NAV2: variants seen among roughly 807,000 people sequenced by gnomAD.
NAV2 encodes neuron navigator 2.
A neutral mutation model predicts 223.2 loss-of-function variants in NAV2; 54 were observed. The ratio of observed to expected loss-of-function variants is 0.24; its 90% CI spans 0.19 to 0.30. The LOEUF (loss-of-function observed/expected upper bound fraction) is 0.30. NAV2 is among the 10% of genes least tolerant of loss of function. NAV2 has a pLI of 1.00. For synonymous variants in NAV2, 1,279 were observed against 1,239.3 expected (o/e 1.03, Z -0.67); for missense variants, 2,806 against 3,147.5 (o/e 0.89, Z 2.60).
chr11:20,019,994 T>TAAAAAAAAAAAAAAAA (rs763255071), intron 11 of NAV2, among the ~76,000 whole-genome samples: 1 of 134,046 alleles, frequency 7.5e-6, no homozygotes, highest in Non-Finnish European at 1.6e-5. Flanking sequence ...GGGCATGAGG[T>TAAAAAAAAAAAAAAAA]AAAAAAAAAA....
intron 1 of NAV2, among the ~76,000 whole-genome samples, chr11:19,673,727 CT>C (rs1430070274): frequency 6.6e-6 from 1 of 152,164 alleles, no homozygotes; most frequent in East Asian, 1.9e-4. Context: ...AAGCTTGCAA[CT>C]TTCTGCTCTC....
chr11:19,576,811 T>G (rs1178460134), intron 1 of NAV2, among the ~76,000 whole-genome samples: 1 of 152,178 alleles, frequency 6.6e-6, no homozygotes, highest in Non-Finnish European at 1.5e-5. Context: ...TCATTCCCTC[T>G]TCAGTACACA....
intron 11 of NAV2, chr11:20,022,739 C>T (rs1314302168): frequency 1.2e-4 from 132 of 1,079,336 alleles, no homozygotes; most frequent in Middle Eastern, 4.0e-4. Flanking sequence ...CAATTTGACC[C>T]GCTGTTGCAA....
chr11:19,903,249 T>C (rs561269640), intron 6 of NAV2, among the ~76,000 whole-genome samples: 6 of 152,294 alleles, frequency 3.9e-5, no homozygotes, highest in African/African-American at 1.4e-4. Flanking sequence ...TATATCTACT[T>C]GGTGGTGAGA....
intron 26 of NAV2, among the ~76,000 whole-genome samples, chr11:20,087,784 A>G (rs2060553516): frequency 6.6e-6 from 1 of 152,104 alleles, no homozygotes; most frequent in African/African-American, 2.4e-5. Flanking sequence ...TGCCTCTATC[A>G]TTTTTACATG....
At chr11:20,044,356 A>G in intron 13 of NAV2, 84 bp downstream of exon 13, 1 of 1,242,470 alleles carries the variant, frequency 8.0e-7, no homozygotes, top group South Asian at 1.5e-5. Flanking sequence ...ACTTGACATT[A>G]TATATTTTGT....
At chr11:20,075,199 CAT>C (rs1373905797) in intron 22 of NAV2, among the ~76,000 whole-genome samples, 9 of 143,818 alleles carry the variant, frequency 6.3e-5, no homozygotes, top group African/African-American at 1.9e-4. Flanking sequence ...GCACTGTCTC[CAT>C]GTTTTTTGTT....
chr11:19,534,083 T>C (rs904468493), intron 1 of NAV2, among the ~76,000 whole-genome samples: 5 of 152,226 alleles, frequency 3.3e-5, no homozygotes, highest in African/African-American at 4.8e-5. Flanking sequence ...CATGCCACCC[T>C]TGTGGCTCCT....
intron 1 of NAV2, among the ~76,000 whole-genome samples, chr11:19,636,998 G>A (rs2047521456): frequency 6.6e-6 from 1 of 152,212 alleles, no homozygotes. Flanking sequence ...TAGCTCAGCA[G>A]TTCTAACTTA....
chr11:20,002,116 A>G (rs2052609930), intron 11 of NAV2, among the ~76,000 whole-genome samples: 1 of 152,200 alleles, frequency 6.6e-6, no homozygotes, highest in African/African-American at 2.4e-5. Context: ...AGGGCAAGCT[A>G]GCTCTCTGGG....
intron 13 of NAV2, 36 bp downstream of exon 13, chr11:20,044,308 C>G (rs1487427891): frequency 1.3e-6 from 2 of 1,562,976 alleles, no homozygotes; most frequent in South Asian, 1.2e-5. Flanking sequence ...CTACAGTTGA[C>G]ATTTTGAAAA....
intron 10 of NAV2, among the ~76,000 whole-genome samples, chr11:19,969,464 A>G (rs1480861758): frequency 6.6e-6 from 1 of 152,210 alleles, no homozygotes; most frequent in African/African-American, 2.4e-5. Context: ...TGTGTTCTCC[A>G]GATGCTTAAT....
At chr11:19,836,235 A>G (rs1294648677) in intron 2 of NAV2, among the ~76,000 whole-genome samples, 1 of 152,186 alleles carries the variant, frequency 6.6e-6, no homozygotes, top group Non-Finnish European at 1.5e-5. Context: ...CACAGCTCTC[A>G]ACTGTCAGGT....
At chr11:19,737,800 T>C (rs1160880727) in intron 1 of NAV2, among the ~76,000 whole-genome samples, 1 of 152,224 alleles carries the variant, frequency 6.6e-6, no homozygotes, top group Admixed American at 6.5e-5. Context: ...ATCTGATTTC[T>C]GAGACCTGAG....
Position 19,519,753 on chromosome 11 carries a change from G to A in NAV2, c.75+168726G>A, listed in dbSNP as rs1318596000. Reference sequence around the variant, plus strand: ...GCTGGCTGGCTGGAGCACTGACCTGGAGGAGAATGTCCTTTAGCAAAGAGC... The same window carrying A: ...GCTGGCTGGCTGGAGCACTGACCTGAAGGAGAATGTCCTTTAGCAAAGAGC... On this transcript the variant is annotated intron_variant, in intron 1 of 37. Transcript: ENST00000360655. 2.6e-5 allele frequency: 4 copies of A among 152,302 alleles called. No homozygotes were observed. In the East Asian group the frequency reaches 7.7e-4, roughly 29 times the overall value. 9.4% of individuals were successfully genotyped at this position (152,302 alleles called of 1,614,324 possible).
chr11:19,865,222 A>G (rs1400731637), intron 3 of NAV2, among the ~76,000 whole-genome samples: 2 of 152,158 alleles, frequency 1.3e-5, no homozygotes, highest in Non-Finnish European at 1.5e-5. Context: ...GATCACACAT[A>G]AGTCTTGTTA....
intron 13 of NAV2, 139 bp downstream of exon 13, chr11:20,044,411 A>C: frequency 1.3e-6 from 1 of 767,746 alleles, no homozygotes; most frequent in Non-Finnish European, 2.0e-6. Context: ...ATAAACTTTC[A>C]CATCCCTACC....
At chr11:20,079,271 C>T (rs1045022840) in intron 24 of NAV2, among the ~76,000 whole-genome samples, 2 of 152,158 alleles carry the variant, frequency 1.3e-5, no homozygotes, top group Non-Finnish European at 2.9e-5. Context: ...GAACTTCTGA[C>T]CTCAAGTGGT....
At chr11:19,684,861 T>C (rs957642974) in intron 1 of NAV2, among the ~76,000 whole-genome samples, 2 of 152,206 alleles carry the variant, frequency 1.3e-5, no homozygotes, top group African/African-American at 2.4e-5. Context: ...GAGCCCTTGG[T>C]TGGCACATTG....
Sources: gnomAD v4.1 joint callset for allele counts (sites outside exome capture counted in the v4.1 genomes callset) on GRCh38, gnomAD v4.1.1 for gene constraint, MANE v1.5 for transcripts, NCBI Gene and HGNC (gene_info 2026-07-23, HGNC 2026-07-21) for gene names.